Variants in VPS13B observed in about 807,000 individuals in gnomAD.
The protein encoded by VPS13B is vacuolar protein sorting 13 homolog B.
A neutral mutation model predicts 426.4 loss-of-function variants in VPS13B; 285 were observed. That is an observed-to-expected ratio of 0.67 (90% confidence interval 0.61 to 0.74). VPS13B has a LOEUF of 0.74. Ranked by LOEUF, VPS13B falls within the 30% of genes least tolerant of loss-of-function variation. The pLI is 0.00. For missense variants in VPS13B, 4,537 were observed against 4,782.6 expected (o/e 0.95, Z 1.51); for synonymous variants, 1,676 against 1,676.4 (o/e 1.00, Z 0.01).
At chr8:99,727,187 G>GT (rs1833385455) in intron 39 of VPS13B, among the ~76,000 whole-genome samples, 1 of 152,058 alleles carries the variant, frequency 6.6e-6, no homozygotes, top group African/African-American at 2.4e-5. Flanking sequence ...TATAAAACCT[G>GT]TTTTTTTCAC....
At chr8:99,565,284 G>A (rs1825126379) in intron 31 of VPS13B, among the ~76,000 whole-genome samples, 1 of 151,080 alleles carries the variant, frequency 6.6e-6, no homozygotes, top group Non-Finnish European at 1.5e-5. Context: ...AAACTTCATT[G>A]TCAGAGAAAT....
intron 23 of VPS13B, among the ~76,000 whole-genome samples, chr8:99,452,098 C>T (rs886872669): frequency 6.6e-6 from 1 of 152,108 alleles, no homozygotes; most frequent in Non-Finnish European, 1.5e-5. Context: ...TGGCCCTGCC[C>T]ACCTCTCCAG....
chr8:99,119,029 G>A (rs1401603643), intron 7 of VPS13B, among the ~76,000 whole-genome samples: 1 of 152,098 alleles, frequency 6.6e-6, no homozygotes, highest in African/African-American at 2.4e-5. Context: ...CTACATCCTT[G>A]CTAACATTCA....
intron 33 of VPS13B, among the ~76,000 whole-genome samples, chr8:99,614,270 C>T (rs1827971900): frequency 6.6e-6 from 1 of 151,808 alleles, no homozygotes; most frequent in South Asian, 2.1e-4. Context: ...CACACACACA[C>T]ACATATATAT....
chr8:99,140,207 A>G (rs994532347), intron 12 of VPS13B, among the ~76,000 whole-genome samples: 2 of 151,878 alleles, frequency 1.3e-5, no homozygotes, highest in Admixed American at 6.6e-5. Context: ...TCTACTAAAA[A>G]TACAAAAATT....
At chr8:99,854,285 G>T in intron 56 of VPS13B, 29 bp downstream of exon 56, 1 of 1,607,346 alleles carries the variant, frequency 6.2e-7, no homozygotes. Flanking sequence ...GGTCTGTGAT[G>T]AGCTAGAGCC....
chr8:99,038,126 C>T (rs1378266825), intron 2 of VPS13B, among the ~76,000 whole-genome samples: 1 of 152,014 alleles, frequency 6.6e-6, no homozygotes, highest in Admixed American at 6.5e-5. Context: ...GCTTAAGGAA[C>T]TTATTAAATG....
chr8:99,396,062 T>A (rs1034088145), intron 21 of VPS13B, among the ~76,000 whole-genome samples: 2 of 151,886 alleles, frequency 1.3e-5, no homozygotes, highest in Non-Finnish European at 2.9e-5. Context: ...ACAAAGAGAA[T>A]AAAGGAAAAT....
rs1253194649 is a variant in VPS13B, at chr8:99,161,701, A to AT, written c.2208+4958_2208+4959insT. 6.2e-3 allele frequency among the ~76,000 whole-genome samples: 941 copies of AT among 151,788 alleles called. 7 individuals carry two copies. The highest frequency in any genetic ancestry group is 0.021 in the African/African-American group (882 of 41,368). ...GGAATAGCATTAATATGCGTGGGAA[A>AT]ACCATTCCCTGGTGTTAAGTGTACT... On this transcript the variant is annotated intron_variant, in intron 15 of 61. Coordinates refer to ENST00000357162, the MANE Select transcript of VPS13B (RefSeq NM_152564.5).
intron 3 of VPS13B, among the ~76,000 whole-genome samples, chr8:99,044,061 TTTC>T (rs1451688177): frequency 6.7e-6 from 1 of 148,878 alleles, no homozygotes; most frequent in African/African-American, 2.4e-5. Flanking sequence ...AACCACATCA[TTTC>T]TTTTTTTTTT....
At chr8:99,420,276 A>C (rs1816296937) in intron 21 of VPS13B, among the ~76,000 whole-genome samples, 1 of 152,126 alleles carries the variant, frequency 6.6e-6, no homozygotes, top group Non-Finnish European at 1.5e-5. Context: ...TTTGATATCA[A>C]GTGTCAGTAT....
chr8:99,722,699 G>A (rs748753871), intron 39 of VPS13B, among the ~76,000 whole-genome samples: 1 of 151,936 alleles, frequency 6.6e-6, no homozygotes, highest in Non-Finnish European at 1.5e-5. Flanking sequence ...AGTAGAGATG[G>A]GGTTTCACCA....
chr8:99,850,205 G>A (rs1478996877), intron 55 of VPS13B, among the ~76,000 whole-genome samples: 1 of 131,024 alleles, frequency 7.6e-6, no homozygotes, highest in East Asian at 2.2e-4. Context: ...AAGTACGCAT[G>A]TATGTACTTA....
In VPS13B at chr8:99,776,878, G is replaced by A. The variant is rs771677434; in HGVS notation, c.7351G>A (p.Val2451Ile). Reference protein sequence around the residue: ...RVDSCFTPWFVPSLCVSFQFA... With the variant: ...RVDSCFTPWFIPSLCVSFQFA... ...TGACTCCTGCTTTACCCCATGGTTT[G>A]TCCCATCCCTTTGCGTTTCTTTCCA... The change falls in exon 41 of 62, where the codon GTC (valine) becomes ATC (isoleucine). Residue 2451 changes from valine to isoleucine, a missense_variant. Transcript: ENST00000357162. 4 of 1,613,940 alleles carry A rather than the reference G, an allele frequency of 2.5e-6. No individual in the cohort carries two copies. Among genetic ancestry groups the A allele is most frequent in the African/African-American group, 2.7e-5 (2 of 74,902 alleles).
chr8:99,189,521 T>C (rs761688272), intron 16 of VPS13B, among the ~76,000 whole-genome samples: 1 of 101,882 alleles, frequency 9.8e-6, no homozygotes, highest in Non-Finnish European at 2.0e-5. Flanking sequence ...AGTTTAGGTG[T>C]TTATTTTAGA....
intron 35 of VPS13B, among the ~76,000 whole-genome samples, chr8:99,670,715 A>G (rs1268325924): frequency 2.0e-5 from 3 of 152,090 alleles, no homozygotes; most frequent in Admixed American, 6.6e-5. Flanking sequence ...CGTTCCATAT[A>G]TAAGTGAAAT....
chr8:99,398,658 T>C (rs1246265989), intron 21 of VPS13B, among the ~76,000 whole-genome samples: 1 of 152,130 alleles, frequency 6.6e-6, no homozygotes, highest in Non-Finnish European at 1.5e-5. Flanking sequence ...AGATCATAGG[T>C]AAGCAAGATA....
At chr8:99,269,531 G>C (rs1818466914) in intron 17 of VPS13B, among the ~76,000 whole-genome samples, 1 of 152,126 alleles carries the variant, frequency 6.6e-6, no homozygotes, top group African/African-American at 2.4e-5. Flanking sequence ...TAAGCACCTG[G>C]AACAATAACT....
intron 21 of VPS13B, among the ~76,000 whole-genome samples, chr8:99,426,017 C>T (rs1490494755): frequency 1.4e-4 from 21 of 150,358 alleles, no homozygotes; most frequent in African/African-American, 4.9e-4. Flanking sequence ...CCCACTAACT[C>T]GTCATCTAGC....
Sources: allele counts gnomAD v4.1 joint callset (sites outside exome capture counted in the v4.1 genomes callset), GRCh38; gene constraint gnomAD v4.1.1; transcripts MANE v1.5; gene names NCBI Gene and HGNC (gene_info 2026-07-23, HGNC 2026-07-21).